The following TTC19 variants were observed in gnomAD, a reference collection of about 807,000 sequenced individuals.
TTC19 encodes the protein tetratricopeptide repeat domain 19.
A neutral mutation model predicts 49.5 loss-of-function variants in TTC19; 38 were observed. That is an observed-to-expected ratio of 0.77 (90% CI 0.59 to 1.01). The LOEUF (loss-of-function observed/expected upper bound fraction) is 1.01. Among genes scored for constraint, TTC19 ranks in the 50% least tolerant of loss-of-function variants. The probability of loss-of-function intolerance (pLI) is 0.00; values close to 1 mark genes in which losing one functional copy is unlikely to be tolerated. For synonymous variants in TTC19, 204 were observed against 185.2 expected, an observed-to-expected ratio of 1.10 and a Z score of -0.83; for missense variants, 475 against 477.7, an observed-to-expected ratio of 0.99 and a Z score of 0.05.
chr17:16,009,517 A>G (rs909469741), intron 7 of TTC19, among the ~76,000 whole-genome samples: 10 of 152,136 alleles, frequency 6.6e-5, no homozygotes, highest in African/African-American at 2.4e-4. Context: ...TTTCCAGGCA[A>G]AGGAATTCTT....
chr17:16,035,215 T>G (rs1320898723), intron 2 of TTC19, among the ~76,000 whole-genome samples: 1 of 152,220 alleles, frequency 6.6e-6, no homozygotes, highest in East Asian at 1.9e-4. Context: ...CTGGGATGGC[T>G]GTGGCAATTT....
chr17:16,013,295 A>G (rs1211884727), intron 7 of TTC19, among the ~76,000 whole-genome samples: 1 of 152,222 alleles, frequency 6.6e-6, no homozygotes, highest in Admixed American at 6.5e-5. Flanking sequence ...ATTAGATCAG[A>G]ATTCATTTCT....
chr17:16,032,493 G>A (rs746697763), downstream of TTC19: 6 of 1,558,206 alleles, frequency 3.9e-6, no homozygotes, highest in Admixed American at 4.2e-5. Context: ...CCTGACAAAA[G>A]AAAAATTAGG....
At chr17:16,034,181 G>A (rs1428184891), downstream of TTC19, among the ~76,000 whole-genome samples, 1 of 152,122 alleles carries the variant, frequency 6.6e-6, no homozygotes, top group Non-Finnish European at 1.5e-5. Context: ...GTCAATGTTC[G>A]CTACCAGTGT....
At chr17:16,034,899 T>A (rs2151854393) in intron 2 of TTC19, 2 of 1,614,152 alleles carry the variant, frequency 1.2e-6, no homozygotes, top group East Asian at 4.5e-5. Context: ...AGACTTAGAT[T>A]TCCTGCTGTT....
downstream of TTC19, chr17:16,031,052 C>T (rs1971889816): frequency 5.2e-6 from 1 of 193,712 alleles, no homozygotes; most frequent in South Asian, 1.9e-4. Context: ...TAAAATTCAG[C>T]AAGCAATTCT....
Position 16,004,206 on chromosome 17 carries a change from C to T in TTC19, c.525C>T (p.Asp175=). The change falls in exon 6 of 10, where the codon GAC becomes GAT. Residue 175 remains aspartate (D), a synonymous_variant. Coordinates refer to ENST00000261647, the MANE Select transcript of TTC19 (RefSeq NM_017775.4). ...YLLGGGMKQE[D]NAIIEISLKL... ...TCATTCTCTTTCTCTCACAGGAGGA[C>T]AATGCAATAATTGAAATTTCCCTAA... 1 of 1,614,046 alleles carries T rather than the reference C, an allele frequency of 6.2e-7. No homozygotes were observed. Among genetic ancestry groups the T allele is most frequent in the Non-Finnish European group, 8.5e-7 (1 of 1,179,896 alleles).
intron 2 of TTC19, among the ~76,000 whole-genome samples, chr17:16,001,154 A>AG (rs1394633918): frequency 2.0e-5 from 3 of 152,212 alleles, no homozygotes; most frequent in African/African-American, 7.2e-5. Context: ...ACCAAAAAAA[A>AG]AAAGAGTAAA....
At chr17:16,008,430 A>G (rs1970973959) in intron 7 of TTC19, among the ~76,000 whole-genome samples, 1 of 152,150 alleles carries the variant, frequency 6.6e-6, no homozygotes, top group South Asian at 2.1e-4. Flanking sequence ...CATTCCTCAT[A>G]TCTAATCCAT....
chr17:16,000,461 A>G (rs756389053), intron 2 of TTC19: 6 of 1,352,630 alleles, frequency 4.4e-6, no homozygotes, highest in Non-Finnish European at 5.8e-6. Context: ...CTGCAGTGTC[A>G]AGTGCAAATG....
intron 7 of TTC19, among the ~76,000 whole-genome samples, chr17:16,008,271 G>C (rs951936294): frequency 6.6e-6 from 1 of 152,072 alleles, no homozygotes; most frequent in African/African-American, 2.4e-5. Flanking sequence ...AAGTCTAATG[G>C]TCATCTCATA....
chr17:16,044,950 T>A lies in TTC19; in HGVS notation c.*395T>A, dbSNP rs573024862. On this transcript the variant is annotated 3_prime_UTR_variant, in exon 3 of 3. Transcript: ENST00000470649. ...TCTGATGATGACATGGGCTTTTGGTTGTTTTGACTAAATTTCTTATAACGT... is the reference window on the plus strand; with the variant it reads ...TCTGATGATGACATGGGCTTTTGGTAGTTTTGACTAAATTTCTTATAACGT... The A allele has an allele frequency of 6.6e-6, 4 of 606,566 alleles. No individual in the cohort carries two copies. In the African/African-American group the frequency reaches 7.6e-5, roughly 11 times the overall value. 37.6% of individuals were successfully genotyped at this position (606,566 alleles called of 1,614,324 possible).
chr17:16,019,537 G>A (rs1387072350), intron 7 of TTC19, among the ~76,000 whole-genome samples: 1 of 152,154 alleles, frequency 6.6e-6, no homozygotes, highest in Non-Finnish European at 1.5e-5. Flanking sequence ...GGTTGCGTCT[G>A]TCTTTAAAGG....
chr17:16,026,554 G>A lies in TTC19; in HGVS notation c.846G>A (p.Met282Ile), dbSNP rs751157228. 5 of 1,614,120 alleles carry A rather than the reference G, an allele frequency of 3.1e-6. No individual in the cohort carries two copies. The highest frequency in any genetic ancestry group is 4.2e-6 in the Non-Finnish European group (5 of 1,179,996). Residue 282 changes from methionine to isoleucine, a missense_variant, in exon 9 of 10, where the codon ATG becomes ATA. By Grantham distance (10) the Met-to-Ile change is conservative. Transcript: ENST00000261647. ...GERHPQTIVL[M>I]SDLATTLDAQ... ...TTTACATACAGACCATTGTGCTGATGAGTGACCTGGCTACTACCCTGGATG... is the reference window on the plus strand; with the variant it reads ...TTTACATACAGACCATTGTGCTGATAAGTGACCTGGCTACTACCCTGGATG...
intron 7 of TTC19, among the ~76,000 whole-genome samples, chr17:16,019,948 G>A (rs1229895283): frequency 1.4e-5 from 2 of 144,858 alleles, no homozygotes; most frequent in African/African-American, 2.7e-5. Flanking sequence ...CCAATATGGT[G>A]AAACCCCATC....
intron 7 of TTC19, among the ~76,000 whole-genome samples, chr17:16,022,858 G>GA (rs1971426042): frequency 6.6e-6 from 1 of 152,172 alleles, no homozygotes. Context: ...AGTTATTTAT[G>GA]AAAGAGAATC....
intron 7 of TTC19, among the ~76,000 whole-genome samples, chr17:16,015,462 AT>A: frequency 6.6e-6 from 1 of 152,282 alleles, no homozygotes; most frequent in Non-Finnish European, 1.5e-5. Context: ...CGTATCTGAG[AT>A]CCTCTTCCTT....
intron 2 of TTC19, chr17:16,040,800 C>G (rs538638558): frequency 1.2e-4 from 42 of 356,654 alleles, no homozygotes; most frequent in African/African-American, 7.1e-4. Context: ...CAGGCTGAGG[C>G]GGTAGGACTG....
In TTC19 at chr17:16,028,924, T is replaced by C. The variant is rs943794923; in HGVS notation, c.*1402T>C. The C allele has an allele frequency of 2.3e-6, 1 of 427,020 alleles. No individual in the cohort carries two copies. Among genetic ancestry groups the C allele is most frequent in the African/African-American group, 2.1e-5 (1 of 48,308 alleles). The allele number at this position is 427,020 out of a possible 1,614,324, so 26.5% of individuals were successfully genotyped here. Reference sequence around the variant, plus strand: ...ATTAGACTAAAACTAGAGTTTTGTATGTTGCAGATGTAAATTTCTTCCTAT... The same window carrying C: ...ATTAGACTAAAACTAGAGTTTTGTACGTTGCAGATGTAAATTTCTTCCTAT... On this transcript the variant is annotated 3_prime_UTR_variant, in exon 10 of 10. Coordinates refer to ENST00000261647, the MANE Select transcript of TTC19 (RefSeq NM_017775.4).
Sources: gnomAD v4.1 joint callset for allele counts (sites outside exome capture counted in the v4.1 genomes callset) on GRCh38, gnomAD v4.1.1 for gene constraint, MANE v1.5 for transcripts, NCBI Gene and HGNC (gene_info 2026-07-23, HGNC 2026-07-21) for gene names.